The following DNAJB6 variants were observed in gnomAD, a reference collection of about 807,000 sequenced individuals.
DNAJB6 encodes DnaJ heat shock protein family (Hsp40) member B6.
DNAJB6 carries 16 observed loss-of-function variants against 42.7 expected under a neutral mutation model. The observed-to-expected ratio is 0.37, with a 90% CI of 0.25 to 0.57. The LOEUF (loss-of-function observed/expected upper bound fraction) is 0.57. DNAJB6 is among the 20% of genes least tolerant of loss of function. The pLI, the probability that DNAJB6 is intolerant of heterozygous loss-of-function variation, is 0.74. For missense variants in DNAJB6, 347 were observed against 416.8 expected, an observed-to-expected ratio of 0.83 and a Z score of 1.46; for synonymous variants, 170 against 163.5, an observed-to-expected ratio of 1.04 and a Z score of -0.30.
intron 1 of DNAJB6, among the ~76,000 whole-genome samples, chr7:157,350,456 T>A (rs1798912692): frequency 6.6e-6 from 1 of 152,174 alleles, no homozygotes; most frequent in African/African-American, 2.4e-5. Flanking sequence ...CTCCCCAGCA[T>A]AAGGAAGAAT....
intron 8 of DNAJB6, among the ~76,000 whole-genome samples, chr7:157,388,541 C>T (rs1023364368): frequency 2.0e-5 from 3 of 151,034 alleles, no homozygotes; most frequent in African/African-American, 7.3e-5. Flanking sequence ...GGTGTGCTGT[C>T]TGCTGTGTTT....
intron 1 of DNAJB6, among the ~76,000 whole-genome samples, chr7:157,355,124 G>A (rs1799203722): frequency 6.6e-6 from 1 of 152,168 alleles, no homozygotes; most frequent in South Asian, 2.1e-4. Context: ...AGTTGGCCTT[G>A]AGCCTTTAGC....
At position 157,376,840 on chromosome 7, in the gene DNAJB6, A is replaced by G. The variant is rs531398400; in HGVS notation, c.347-5406A>G. ...GGTTGCAGTGAGCCAAGATCGCGCC[A>G]CTACACTCCAGCCTGGGCGACAGAG... On this transcript the variant is annotated intron_variant, in intron 5 of 9. Coordinates refer to ENST00000262177, the MANE Select transcript of DNAJB6 (RefSeq NM_058246.4). Among the ~76,000 whole-genome samples the G allele has an allele frequency of 1.1e-3, 169 of 152,328 alleles. 1 individual carries two copies. Among genetic ancestry groups the G allele is most frequent in the African/African-American group, 3.8e-3 (158 of 41,582 alleles).
intron 5 of DNAJB6, among the ~76,000 whole-genome samples, chr7:157,371,864 C>G (rs886820427): frequency 3.3e-5 from 5 of 152,210 alleles, no homozygotes; most frequent in Non-Finnish European, 7.3e-5. Context: ...TGGGAAAAGC[C>G]TGTGGGTTTA....
chr7:157,371,140 G>A (rs1262680997), intron 5 of DNAJB6, among the ~76,000 whole-genome samples: 2 of 152,178 alleles, frequency 1.3e-5, no homozygotes, highest in African/African-American at 2.4e-5. Context: ...TCAGAATCCA[G>A]TATCTGAAAC....
rs372694191 is a variant in DNAJB6, at chr7:157,393,098, C to T, written c.691+7487C>T. On this transcript the variant is annotated intron_variant, in intron 8 of 9. Transcript: ENST00000262177. ...AAGCGATTCTCCTGCCTCAGCCTCC[C>T]GAGTAGCTGGAATTACAGGCGCCTG... Among the ~76,000 whole-genome samples the T allele has an allele frequency of 3.2e-4, 49 of 152,166 alleles. No individual in the cohort carries two copies. In the East Asian group the frequency reaches 5.0e-3, roughly 16 times the overall value.
At chr7:157,380,214 A>T (rs1313853141) in intron 5 of DNAJB6, 1 of 152,120 alleles carries the variant, frequency 6.6e-6, no homozygotes, top group Non-Finnish European at 1.5e-5. Context: ...ACCTGGGAGG[A>T]TATGTTGTAG....
intron 8 of DNAJB6, among the ~76,000 whole-genome samples, chr7:157,409,064 C>T (rs1795874714): frequency 6.6e-6 from 1 of 152,384 alleles, no homozygotes; most frequent in Non-Finnish European, 1.5e-5. Flanking sequence ...CTTTGAGAAT[C>T]ACAGTGGAGA....
intron 8 of DNAJB6, among the ~76,000 whole-genome samples, chr7:157,395,074 A>G (rs1168178015): frequency 2.6e-5 from 4 of 151,688 alleles, no homozygotes; most frequent in Admixed American, 2.0e-4. Context: ...AGCCTGGGCA[A>G]CAGAGCAAGA....
chr7:157,341,947 A>G (rs1014239761), intron 1 of DNAJB6, among the ~76,000 whole-genome samples: 22 of 150,770 alleles, frequency 1.5e-4, no homozygotes, highest in African/African-American at 5.1e-4. Flanking sequence ...GCTCACCGCA[A>G]CCTCCACCTC....
At chr7:157,361,277 G>T (rs1276654854) in intron 2 of DNAJB6, among the ~76,000 whole-genome samples, 1 of 151,686 alleles carries the variant, frequency 6.6e-6, no homozygotes. Flanking sequence ...TCCTGCCTTA[G>T]CCTCCCGAGT....
intron 5 of DNAJB6, among the ~76,000 whole-genome samples, chr7:157,370,579 A>G (rs2117020276): frequency 6.6e-6 from 1 of 152,334 alleles, no homozygotes; most frequent in South Asian, 2.1e-4. Flanking sequence ...GAAGGTATAG[A>G]GATCTAATTA....
rs891573377 is a variant in DNAJB6, at chr7:157,385,568, A to T, written c.648A>T (p.Val216=). 6.2e-6 allele frequency: 10 copies of T among 1,613,796 alleles called. No homozygotes were observed. The highest frequency in any genetic ancestry group is 1.3e-5 in the African/African-American group (1 of 74,946). The change falls in exon 8 of 10, where the codon GTA becomes GTT. Residue 216 remains valine (V), a synonymous_variant. Transcript: ENST00000262177. The part of the protein sequence containing the change: ...KRIVENGQER[V]EVEEDGQLKS... ...TTGTCGAGAACGGTCAAGAAAGAGTAGAAGTTGAAGAAGATGGCCAGTTAA... is the reference window on the plus strand; with the variant it reads ...TTGTCGAGAACGGTCAAGAAAGAGTTGAAGTTGAAGAAGATGGCCAGTTAA...
At chr7:157,384,802 CT>C in intron 6 of DNAJB6, 64 bp from the exon 7 acceptor site, 2 of 1,512,544 alleles carry the variant, frequency 1.3e-6, no homozygotes, top group Non-Finnish European at 1.8e-6. Context: ...AACTTTCAAA[CT>C]CTTGTCTTTG....
chr7:157,392,273 C>CT (rs1801383748), intron 8 of DNAJB6, among the ~76,000 whole-genome samples: 1 of 151,326 alleles, frequency 6.6e-6, no homozygotes, highest in Non-Finnish European at 1.5e-5. Context: ...GCGTGTGCCT[C>CT]TTTTTCTGTG....
intron 1 of DNAJB6, among the ~76,000 whole-genome samples, chr7:157,345,843 A>T (rs1244662981): frequency 6.6e-6 from 1 of 152,084 alleles, no homozygotes; most frequent in African/African-American, 2.4e-5. Context: ...TAGAGCTCTG[A>T]TGTGAGTGAT....
At chr7:157,414,332 A>T (rs1796056361) in intron 9 of DNAJB6, 1 of 151,190 alleles carries the variant, frequency 6.6e-6, no homozygotes, top group Non-Finnish European at 1.5e-5. Context: ...TCTGAGGGAC[A>T]CGGCCTCCAA....
intron 1 of DNAJB6, among the ~76,000 whole-genome samples, chr7:157,340,937 A>G (rs991369837): frequency 3.3e-5 from 5 of 151,216 alleles, no homozygotes; most frequent in African/African-American, 9.7e-5. Context: ...AAGTGCTGGG[A>G]TTACAGGCGT....
chr7:157,395,160 C>T (rs764190882), intron 8 of DNAJB6, among the ~76,000 whole-genome samples: 3 of 152,178 alleles, frequency 2.0e-5, no homozygotes, highest in Non-Finnish European at 2.9e-5. Context: ...CTTCCCCATC[C>T]GGTATTACCA....
Sources: gnomAD v4.1 joint callset for allele counts (sites outside exome capture counted in the v4.1 genomes callset) on GRCh38, gnomAD v4.1.1 for gene constraint, MANE v1.5 for transcripts, NCBI Gene and HGNC (gene_info 2026-07-23, HGNC 2026-07-21) for gene names.